Variants in CTNNA2 observed in about 807,000 individuals in gnomAD.
CTNNA2 encodes catenin alpha 2, also known as catenin alpha-2.
CTNNA2 carries 42 observed loss-of-function variants against 101.0 expected under a neutral mutation model. The observed-to-expected ratio is 0.42, with a 90% CI of 0.32 to 0.54. CTNNA2 has a LOEUF of 0.54. CTNNA2 is among the 20% of genes least tolerant of loss of function. CTNNA2 has a pLI of 0.14. For missense variants in CTNNA2, 871 were observed against 1,223.1 expected (o/e 0.71, Z 4.29); for synonymous variants, 450 against 456.4 (o/e 0.99, Z 0.18).
chr2:80,281,840 A>G (rs1674407867), intron 7 of CTNNA2, among the ~76,000 whole-genome samples: 1 of 152,098 alleles, frequency 6.6e-6, no homozygotes, highest in Non-Finnish European at 1.5e-5. Flanking sequence ...TCTAGTATAT[A>G]TGGTTAGTGT....
intron 7 of CTNNA2, among the ~76,000 whole-genome samples, chr2:79,971,771 T>C (rs1483269290): frequency 2.0e-5 from 3 of 152,222 alleles, no homozygotes; most frequent in African/African-American, 7.2e-5. Flanking sequence ...AGCACCATTT[T>C]CTTTTTTTGC....
At chr2:80,600,364 A>G (rs1357354031) in intron 15 of CTNNA2, among the ~76,000 whole-genome samples, 1 of 152,010 alleles carries the variant, frequency 6.6e-6, no homozygotes, top group Non-Finnish European at 1.5e-5. Context: ...AATACATTTG[A>G]CTACAATAAA....
chr2:79,542,466 AT>A (rs990959059), intron 1 of CTNNA2, among the ~76,000 whole-genome samples: 1 of 152,186 alleles, frequency 6.6e-6, no homozygotes, highest in African/African-American at 2.4e-5. Context: ...GGTTGCAGAC[AT>A]TTAAACAGAA....
chr2:80,232,341 G>GTTGTTTTTTTTTTTTTT (rs1709276642), intron 7 of CTNNA2, among the ~76,000 whole-genome samples: 1 of 82,062 alleles, frequency 1.2e-5, no homozygotes, highest in African/African-American at 3.3e-5. Context: ...TTGTTTGTTT[G>GTTGTTTTTTTTTTTTTT]TTTGTTTTTT....
At chr2:80,440,586 T>C (rs1667819139) in intron 9 of CTNNA2, among the ~76,000 whole-genome samples, 1 of 152,158 alleles carries the variant, frequency 6.6e-6, no homozygotes, top group African/African-American at 2.4e-5. Flanking sequence ...CTTACAGGCT[T>C]TGTTATAGAT....
chr2:80,453,817 C>T (rs78943244), intron 9 of CTNNA2, among the ~76,000 whole-genome samples: 4,872 of 152,220 alleles, frequency 0.032, 230 homozygotes, highest in African/African-American at 0.11. Flanking sequence ...TTCTCCACCC[C>T]CGTGTTTTTC....
intron 18 of CTNNA2, among the ~76,000 whole-genome samples, chr2:80,623,599 G>T (rs183964999): frequency 6.6e-6 from 1 of 151,986 alleles, no homozygotes; most frequent in African/African-American, 2.4e-5. Context: ...GAGTAGCATT[G>T]AAAATGATCA....
At chr2:79,652,575 C>T (rs1199476343) in intron 2 of CTNNA2, among the ~76,000 whole-genome samples, 1 of 152,048 alleles carries the variant, frequency 6.6e-6, no homozygotes, top group Non-Finnish European at 1.5e-5. Flanking sequence ...TTCCTACTTC[C>T]TTCCAATAAG....
chr2:80,625,710 G>A (rs539668630), intron 18 of CTNNA2, among the ~76,000 whole-genome samples: 1 of 151,962 alleles, frequency 6.6e-6, no homozygotes, highest in South Asian at 2.1e-4. Flanking sequence ...ATTGTAGTGA[G>A]TTATCACACC....
intron 7 of CTNNA2, among the ~76,000 whole-genome samples, chr2:79,927,252 G>T (rs539947080): frequency 1.3e-5 from 2 of 152,160 alleles, no homozygotes; most frequent in East Asian, 1.9e-4. Flanking sequence ...TATTTGTTTT[G>T]GTTTGATTTG....
intron 2 of CTNNA2, among the ~76,000 whole-genome samples, chr2:79,717,818 T>C (rs551878946): frequency 9.2e-5 from 14 of 152,304 alleles, no homozygotes; most frequent in African/African-American, 3.4e-4. Flanking sequence ...GACATAGTTG[T>C]GTCAAAGCAT....
At chr2:79,485,604 A>G (rs766109643) in intron 4 of CTNNA2, among the ~76,000 whole-genome samples, 8 of 152,214 alleles carry the variant, frequency 5.3e-5, no homozygotes, top group Non-Finnish European at 8.8e-5. Flanking sequence ...GCATCCCATG[A>G]TAGGCACTGA....
chr2:79,916,858 A>G (rs1359197919), intron 7 of CTNNA2, among the ~76,000 whole-genome samples: 2 of 151,802 alleles, frequency 1.3e-5, no homozygotes, highest in African/African-American at 2.4e-5. Context: ...CTCCTGACCT[A>G]GTGATCCGCC....
chr2:79,344,815 TATATATA>T (rs1424870451), intron 3 of CTNNA2, among the ~76,000 whole-genome samples: 46 of 145,968 alleles, frequency 3.2e-4, no homozygotes, highest in South Asian at 8.4e-4. Context: ...TATATATTTA[TATATATA>T]ATATATAATA....
chr2:80,476,368 AACTT>A (rs1685730139), intron 9 of CTNNA2, among the ~76,000 whole-genome samples: 1 of 152,224 alleles, frequency 6.6e-6, no homozygotes, highest in African/African-American at 2.4e-5. Flanking sequence ...TCTCTTTTTC[AACTT>A]ACTTCTCCAG....
At position 79,267,100 on chromosome 2, in the gene CTNNA2, T is replaced by C. The variant is rs72915185; in HGVS notation, c.-405-45609T>C. ...GAGGTCTGAGATGAGGACATCTGAATAGATGTGCTTGAGAACCTTGAACCC... is the reference window on the plus strand; with the variant it reads ...GAGGTCTGAGATGAGGACATCTGAACAGATGTGCTTGAGAACCTTGAACCC... On this transcript the variant is annotated intron_variant, in intron 2 of 21. Coordinates refer to the CTNNA2 transcript ENST00000466387. Among the ~76,000 whole-genome samples the C allele has an allele frequency of 3.0e-3, 454 of 152,192 alleles. 5 individuals are homozygous for C. The highest frequency in any genetic ancestry group is 0.011 in the African/African-American group (438 of 41,534).
intron 5 of CTNNA2, among the ~76,000 whole-genome samples, chr2:79,507,600 TCAGA>T (rs1276450222): frequency 1.3e-5 from 2 of 152,134 alleles, no homozygotes; most frequent in African/African-American, 4.8e-5. Flanking sequence ...TAACCTAGTC[TCAGA>T]CAGTTTGTTA....
rs376690263 is a variant in CTNNA2 at position 79,664,913 on chromosome 2, A to G, written c.102+13255A>G. Among the ~76,000 whole-genome samples the G allele has an allele frequency of 3.6e-3, 550 of 151,954 alleles. 12 individuals are homozygous for G. The East Asian group carries it at 0.048, about 13-fold the overall frequency. On this transcript the variant is annotated intron_variant, in intron 2 of 18. Transcript: ENST00000402739. ...TTTTTAGTAGAAACGGGGTTTCACC[A>G]TGTTAGCCAAGATGGTCTCGATCTC... is the stretch of plus-strand genomic sequence containing the variant.
rs1218260512 is a variant in CTNNA2 at position 79,744,098 on chromosome 2, G to T, written c.103-289G>T. Among the ~76,000 whole-genome samples, 3 of 152,144 alleles carry T rather than the reference G, an allele frequency of 2.0e-5. No individual in the cohort carries two copies. In the East Asian group the frequency reaches 5.8e-4, roughly 29 times the overall value. On this transcript the variant is annotated intron_variant, in intron 2 of 18. Coordinates refer to ENST00000402739, the MANE Select transcript of CTNNA2 (RefSeq NM_001282597.3). ...GCACTGTACCTGTCAGTCTGTAAAA[G>T]TGAGTGAACTTGAAGCTTTGACCCA...
Sources: allele counts gnomAD v4.1 joint callset (sites outside exome capture counted in the v4.1 genomes callset), GRCh38; gene constraint gnomAD v4.1.1; transcripts MANE v1.5; gene names NCBI Gene and HGNC (gene_info 2026-07-23, HGNC 2026-07-21).